Variants in USP36 observed in about 807,000 individuals in gnomAD.
USP36 encodes ubiquitin specific peptidase 36.
In USP36, 59 loss-of-function variants were observed where a neutral mutation model predicts 111.5. That is an observed-to-expected ratio of 0.53 (90% confidence interval 0.43 to 0.66). The LOEUF is 0.66. Ranked by LOEUF, USP36 falls within the 30% of genes least tolerant of loss-of-function variation. The pLI, the probability that USP36 is intolerant of heterozygous loss-of-function variation, is 0.00. For synonymous variants in USP36, 628 were observed against 581.0 expected (o/e 1.08, Z -1.16); for missense variants, 1,488 against 1,468.0 (o/e 1.01, Z -0.22).
chr17:78,799,877 C>CATTT, intron 17 of USP36, 109 bp from the exon 18 acceptor site: 1 of 154,444 alleles, frequency 6.5e-6, no homozygotes, highest in Non-Finnish European at 1.2e-5. Flanking sequence ...GGATGCTTGC[C>CATTT]TTTTTTTTTT....
Position 78,828,870 on chromosome 17 carries a change from A to G in USP36, c.586+27T>C, listed in dbSNP as rs1234319193. The G allele has an allele frequency of 1.9e-6, 3 of 1,607,136 alleles. No individual in the cohort carries two copies. In the African/African-American group the frequency reaches 4.0e-5, roughly 22 times the overall value. Reference sequence around the variant, plus strand: ...AAAATTAAAAAATAAATAAATCACAAAAATTTTAACATGGATTGATGCTTA... The same window carrying G: ...AAAATTAAAAAATAAATAAATCACAGAAATTTTAACATGGATTGATGCTTA... On this transcript the variant is annotated intron_variant, in intron 5 of 20. Coordinates refer to ENST00000449938, the MANE Select transcript of USP36 (RefSeq NM_001385174.1).
At position 78,840,526 on chromosome 17, in the gene USP36, C is replaced by T. The variant is rs1255259381; in HGVS notation, c.-174+210G>A. The stretch of plus-strand genomic sequence containing the variant: ...GGCCCCGGACCCTCCTCGGGAATAC[C>T]CGGGCTCTGGAGAAGCGAGCTCGCG... On this transcript the variant is annotated intron_variant, in intron 1 of 20. Coordinates refer to ENST00000449938, the MANE Select transcript of USP36 (RefSeq NM_001385174.1). The T allele has an allele frequency of 1.3e-5, 2 of 152,386 alleles. 1 individual carries two copies. Among genetic ancestry groups the T allele is most frequent in the South Asian group, 4.1e-4 (2 of 4,832 alleles). The allele number at this position is 152,386 out of a possible 1,614,324, so 9.4% of individuals were successfully genotyped here.
Position 78,802,211 on chromosome 17 carries a change from A to G in USP36, c.3022+113T>C, listed in dbSNP as rs1364265789. Reference sequence around the variant, plus strand: ...ACCCACGCGGTCCAACCCCTCGCCCAGTGCACGCCCATGCGGTCCCCCAAC... The same window carrying G: ...ACCCACGCGGTCCAACCCCTCGCCCGGTGCACGCCCATGCGGTCCCCCAAC... On this transcript the variant is annotated intron_variant, in intron 17 of 20. Transcript: ENST00000449938. 3.5e-4 allele frequency: 123 copies of G among 353,178 alleles called. No individual in the cohort carries two copies. In the South Asian group the frequency reaches 7.6e-3, roughly 22 times the overall value. The allele number at this position is 353,178 out of a possible 1,614,324, so 21.9% of individuals were successfully genotyped here.
downstream of USP36, among the ~76,000 whole-genome samples, chr17:78,794,533 C>T (rs539767372): frequency 2.0e-5 from 3 of 152,302 alleles, no homozygotes; most frequent in Admixed American, 6.5e-5. Context: ...TCAGTCCTGC[C>T]GGTGGGACTC....
At chr17:78,822,781 G>T (rs1186470630) in intron 6 of USP36, among the ~76,000 whole-genome samples, 1 of 152,158 alleles carries the variant, frequency 6.6e-6, no homozygotes, top group Non-Finnish European at 1.5e-5. Context: ...ACTGCATCTG[G>T]TCCTGACTCA....
At chr17:78,841,199 C>G (rs1269505858), upstream of USP36, 1 of 152,280 alleles carries the variant, frequency 6.6e-6, no homozygotes, top group Non-Finnish European at 1.5e-5. Context: ...GGGACTTTGC[C>G]CACCCCTGCA....
chr17:78,801,129 A>G (rs1290623555), intron 17 of USP36, among the ~76,000 whole-genome samples: 2 of 151,984 alleles, frequency 1.3e-5, no homozygotes, highest in African/African-American at 4.8e-5. Context: ...GGCGCCCGCC[A>G]CCATGCCTGG....
intron 9 of USP36, among the ~76,000 whole-genome samples, chr17:78,819,332 G>A (rs1230859573): frequency 6.6e-6 from 1 of 152,178 alleles, no homozygotes; most frequent in East Asian, 1.9e-4. Context: ...CAGCACTTTG[G>A]GAGGCAAGGC....
Position 78,829,751 on chromosome 17 carries a change from C to CT in USP36, c.476-745dup, listed in dbSNP as rs969520982. 1.4e-4 allele frequency among the ~76,000 whole-genome samples: 21 copies of CT among 151,502 alleles called. 1 individual carries two copies. Among genetic ancestry groups the CT allele is most frequent in the South Asian group, 4.2e-4 (2 of 4,792 alleles). On this transcript the variant is annotated intron_variant, in intron 4 of 20. Coordinates refer to ENST00000449938, the MANE Select transcript of USP36 (RefSeq NM_001385174.1). ...CTAGGCATTAGGCTAGACAGTGGTC[C>CT]TTTTTTTTTGAGACAGAGTCTCACT... is the stretch of plus-strand genomic sequence containing the variant.
chr17:78,804,881 A>G (rs1325690076), intron 15 of USP36, among the ~76,000 whole-genome samples: 1 of 152,174 alleles, frequency 6.6e-6, no homozygotes, highest in Non-Finnish European at 1.5e-5. Flanking sequence ...TTATTTTCCA[A>G]CCTCCGAAAG....
At chr17:78,818,324 C>T (rs1416374952) in intron 10 of USP36, among the ~76,000 whole-genome samples, 1 of 152,046 alleles carries the variant, frequency 6.6e-6, no homozygotes, top group Non-Finnish European at 1.5e-5. Flanking sequence ...AGACAGTGGC[C>T]CTGGAACTTG....
chr17:78,818,223 C>T lies in USP36; in HGVS notation c.1023+444G>A, dbSNP rs369337220. ...AGGACATGGACAATGCAAGTCCCAC[C>T]GCCCAGTGCTCATCACACTCATCTG... is the stretch of plus-strand genomic sequence containing the variant. On this transcript the variant is annotated intron_variant, in intron 10 of 20. Coordinates refer to ENST00000449938, the MANE Select transcript of USP36 (RefSeq NM_001385174.1). Among the ~76,000 whole-genome samples, 41 of 152,300 alleles carry T rather than the reference C, an allele frequency of 2.7e-4. No individual in the cohort carries two copies. The East Asian group carries it at 3.5e-3, about 13-fold the overall frequency.
Position 78,802,824 on chromosome 17 carries a change from C to T in USP36, c.2811-289G>A, listed in dbSNP as rs540973583. Among the ~76,000 whole-genome samples the T allele has an allele frequency of 2.9e-3, 441 of 152,298 alleles. 2 individuals carry two copies. Among genetic ancestry groups the T allele is most frequent in the African/African-American group, 9.9e-3 (411 of 41,540 alleles). On this transcript the variant is annotated intron_variant, in intron 16 of 20. Coordinates refer to ENST00000449938, the MANE Select transcript of USP36 (RefSeq NM_001385174.1). ...TGAAACGGCAGATCCTGGCCTGGCC[C>T]GGGACACCTGATCCAGCATCCTTGA...
In USP36 at chr17:78,818,714, G is replaced by C; in HGVS notation, c.976C>G (p.Leu326Val). The change falls in exon 10 of 21, where the codon CTT (leucine) becomes GTT (valine). Residue 326 changes from leucine to valine, a missense_variant. Transcript: ENST00000449938. Reference protein sequence around the residue: ...TIHRTSNVLTLSLKRFANFSG... With the variant: ...TIHRTSNVLTVSLKRFANFSG... ...AAGTTGGCAAAGCGCTTGAGGGAAA[G>C]GGTTAAGACGTTGGATGTTCTGTGG... 6.2e-7 allele frequency: 1 copy of C among 1,614,036 alleles called. No homozygotes were observed. The highest frequency in any genetic ancestry group is 8.5e-7 in the Non-Finnish European group (1 of 1,179,898).
Position 78,807,218 on chromosome 17 carries a change from C to A in USP36, c.1826G>T (p.Gly609Val), listed in dbSNP as rs777030818. 1.2e-6 allele frequency: 2 copies of A among 1,614,034 alleles called. No individual in the cohort carries two copies. Among genetic ancestry groups the A allele is most frequent in the East Asian group, 4.5e-5 (2 of 44,874 alleles). The change falls in exon 14 of 21, where the codon GGC (glycine) becomes GTC (valine). Residue 609 changes from glycine to valine, a missense_variant. Coordinates refer to ENST00000449938, the MANE Select transcript of USP36 (RefSeq NM_001385174.1). ...NDESAGLDRR[G>V]SSSSSPEHSA... ...GTGCTCTGGGCTGGAGCTGCTGGAG[C>A]CCCTCCTGTCGAGGCCAGCGCTCTC...
At chr17:78,818,482 G>C (rs772732991) in intron 10 of USP36, among the ~76,000 whole-genome samples, 185 bp downstream of exon 10, 12 of 152,212 alleles carry the variant, frequency 7.9e-5, no homozygotes, top group South Asian at 2.1e-4. Context: ...CTCTGTGACT[G>C]TCTTCCCGTC....
chr17:78,825,093 G>A (rs536675468), intron 6 of USP36, among the ~76,000 whole-genome samples: 15 of 152,148 alleles, frequency 9.9e-5, no homozygotes, highest in Admixed American at 4.6e-4. Flanking sequence ...CAGATGAAGG[G>A]GACAAGAGCA....
chr17:78,819,087 A>C, intron 9 of USP36: 1 of 220,112 alleles, frequency 4.5e-6, no homozygotes, highest in Non-Finnish European at 9.2e-6. Context: ...GAAAGAGCAA[A>C]TTAAAGCAGA....
chr17:78,816,912 T>C (rs147962387), intron 10 of USP36, among the ~76,000 whole-genome samples: 244 of 152,338 alleles, frequency 1.6e-3, no homozygotes, highest in Non-Finnish European at 3.0e-3. Flanking sequence ...ATCCCAGTCA[T>C]TGCCCCCATC....
Sources: gnomAD v4.1 joint callset for allele counts (sites outside exome capture counted in the v4.1 genomes callset) on GRCh38, gnomAD v4.1.1 for gene constraint, MANE v1.5 for transcripts, NCBI Gene and HGNC (gene_info 2026-07-23, HGNC 2026-07-21) for gene names.